The following DNAAF4 variants were observed in gnomAD, a reference collection of about 807,000 sequenced individuals.
The protein encoded by DNAAF4 is dynein assembly factor 4, axonemal.
Under a neutral mutation model 51.8 loss-of-function variants are expected in DNAAF4, and 43 were observed. The ratio of observed to expected loss-of-function variants is 0.83; its 90% CI spans 0.65 to 1.07. The LOEUF is 1.07. DNAAF4 is among the 50% of genes least tolerant of loss of function. The pLI, the probability that DNAAF4 is intolerant of heterozygous loss-of-function variation, is 0.00. For synonymous variants in DNAAF4, 194 were observed against 165.6 expected, an observed-to-expected ratio of 1.17 and a Z score of -1.32; for missense variants, 581 against 493.0, an observed-to-expected ratio of 1.18 and a Z score of -1.69.
At position 55,466,643 on chromosome 15, in the gene DNAAF4, G is replaced by C. The variant is rs112948596; in HGVS notation, c.637+287C>G. On this transcript the variant is annotated intron_variant, in intron 5 of 9. Coordinates refer to ENST00000321149, the MANE Select transcript of DNAAF4 (RefSeq NM_130810.4). ...CCACTCCAAGTCTTTTTGGGCCTGA[G>C]TTAAGCACTTATTTAACAACATCTT... Among the ~76,000 whole-genome samples the C allele has an allele frequency of 3.3e-5, 5 of 152,156 alleles. 1 individual carries two copies. Among genetic ancestry groups the C allele is most frequent in the African/African-American group, 1.2e-4 (5 of 41,432 alleles).
At chr15:55,505,479 A>C (rs1038024300) in intron 1 of DNAAF4, among the ~76,000 whole-genome samples, 1 of 152,156 alleles carries the variant, frequency 6.6e-6, no homozygotes, top group Non-Finnish European at 1.5e-5. Context: ...ATGTTTACTG[A>C]GGCACTATTC....
intron 4 of DNAAF4, among the ~76,000 whole-genome samples, chr15:55,486,170 T>C (rs1317163958): frequency 6.8e-6 from 1 of 146,468 alleles, no homozygotes; most frequent in African/African-American, 2.7e-5. Flanking sequence ...CGTTTTTCTG[T>C]TTGTTTGGTT....
intron 8 of DNAAF4, among the ~76,000 whole-genome samples, chr15:55,433,685 C>A (rs2057535082): frequency 7.4e-6 from 1 of 134,720 alleles, no homozygotes; most frequent in East Asian, 2.1e-4. Flanking sequence ...TTAGCTGGTA[C>A]AGGAATTTAG....
At position 55,418,361 on chromosome 15, in the gene DNAAF4, A is replaced by C. The variant is rs993662126; in HGVS notation, c.1048-228T>G. ...ACTCCAGACAGCCACCTCACTATCA[A>C]AACCTCAAATGATTATGTATAAAAC... On this transcript the variant is annotated intron_variant, in intron 7 of 7. Transcript: ENST00000448430. The C allele has an allele frequency of 4.5e-6, 7 of 1,538,836 alleles. No homozygotes were observed. In the African/African-American group the frequency reaches 9.6e-5, roughly 21 times the overall value.
At chr15:55,503,345 T>C (rs1380365452) in intron 1 of DNAAF4, among the ~76,000 whole-genome samples, 1 of 151,978 alleles carries the variant, frequency 6.6e-6, no homozygotes, top group Non-Finnish European at 1.5e-5. Context: ...CTACTGGAGG[T>C]ACAAGGAGGA....
chr15:55,475,717 T>C (rs1273245528), intron 4 of DNAAF4, among the ~76,000 whole-genome samples: 2 of 151,634 alleles, frequency 1.3e-5, no homozygotes, highest in Admixed American at 6.6e-5. Context: ...GCTCAACCCA[T>C]ACCAACATGA....
At chr15:55,473,269 ATG>A in intron 4 of DNAAF4, among the ~76,000 whole-genome samples, 1 of 30,874 alleles carries the variant, frequency 3.2e-5, no homozygotes, top group East Asian at 3.2e-3. Flanking sequence ...ATGTGTATAT[ATG>A]TGTATATATA....
At chr15:55,444,865 A>T (rs1367324303) in intron 6 of DNAAF4, among the ~76,000 whole-genome samples, 3 of 152,076 alleles carry the variant, frequency 2.0e-5, no homozygotes, top group African/African-American at 7.2e-5. Context: ...ATTGGTGTAT[A>T]AGAATGCTTG....
intron 6 of DNAAF4, among the ~76,000 whole-genome samples, chr15:55,446,006 G>A (rs554980266): frequency 1.1e-3 from 161 of 140,874 alleles, no homozygotes; most frequent in Non-Finnish European, 1.9e-3. Flanking sequence ...GGGTGGCCGG[G>A]CAGAGGCGCT....
chr15:55,498,504 C>A lies in DNAAF4; in HGVS notation c.-175G>T, dbSNP rs1430487867. ...CGGACTCCATGCGTGACTATCCAGG[C>A]GCCCAGACCAGAGAGTGATGCCGAT... On this transcript the variant is annotated 5_prime_UTR_variant, in exon 2 of 10. Coordinates refer to ENST00000321149, the MANE Select transcript of DNAAF4 (RefSeq NM_130810.4). 9.5e-6 allele frequency: 8 copies of A among 838,048 alleles called. No homozygotes were observed. Among genetic ancestry groups the A allele is most frequent in the Non-Finnish European group, 1.4e-5 (8 of 572,372 alleles). The allele number at this position is 838,048 out of a possible 1,614,324, so 51.9% of individuals were successfully genotyped here.
intron 4 of DNAAF4, among the ~76,000 whole-genome samples, chr15:55,477,998 A>G (rs1298975007): frequency 6.6e-6 from 1 of 152,126 alleles, no homozygotes; most frequent in African/African-American, 2.4e-5. Flanking sequence ...CCCACGGAGG[A>G]GCTCAGTCAG....
rs1356441788 is a variant in DNAAF4 at position 55,473,249 on chromosome 15, GTGTATATATA to G, written c.406-6098_406-6089del. Among the ~76,000 whole-genome samples the G allele has an allele frequency of 5.1e-5, 7 of 136,312 alleles. No homozygotes were observed. In the East Asian group the frequency reaches 1.5e-3, roughly 30 times the overall value. 89.4% of individuals were successfully genotyped at this position (136,312 alleles called of 152,430 possible). ...TGTGTGTGTATATATATATATGTGT[GTGTATATATA>G]TGTGTATATATGTGTATATATATGT... On this transcript the variant is annotated intron_variant, in intron 4 of 9. Transcript: ENST00000321149.
rs2058692909 is a variant in DNAAF4, at chr15:55,500,793, G to A, written c.-255-2209C>T. Among the ~76,000 whole-genome samples, 2 of 151,988 alleles carry A rather than the reference G, an allele frequency of 1.3e-5. 1 individual carries two copies. Among genetic ancestry groups the A allele is most frequent in the Admixed American group, 1.3e-4 (2 of 15,256 alleles). ...GGATCACCTGAGGTTGGGAGTTCAAGACCAGCCTGACGAACATAGAGAAAG... is the reference window on the plus strand; with the variant it reads ...GGATCACCTGAGGTTGGGAGTTCAAAACCAGCCTGACGAACATAGAGAAAG... On this transcript the variant is annotated intron_variant, in intron 1 of 9. Transcript: ENST00000321149.
intron 1 of DNAAF4, among the ~76,000 whole-genome samples, chr15:55,500,418 C>T (rs946842957): frequency 4.6e-5 from 7 of 152,090 alleles, no homozygotes; most frequent in Admixed American, 4.6e-4. Context: ...CTACTTTTAC[C>T]ATATTGTTTC....
At chr15:55,451,884 G>T (rs1026096395) in intron 5 of DNAAF4, among the ~76,000 whole-genome samples, 13 of 152,102 alleles carry the variant, frequency 8.5e-5, no homozygotes, top group Admixed American at 6.6e-4. Flanking sequence ...GCCTCTCAAA[G>T]TGCTGAGATT....
intron 7 of DNAAF4, among the ~76,000 whole-genome samples, chr15:55,422,965 C>T (rs2141382846): frequency 6.6e-6 from 1 of 151,956 alleles, no homozygotes; most frequent in East Asian, 1.9e-4. Flanking sequence ...ACATTGCACT[C>T]CAGCCTGGGT....
chr15:55,468,177 T>A (rs1278277582), intron 4 of DNAAF4, among the ~76,000 whole-genome samples: 1 of 152,208 alleles, frequency 6.6e-6, no homozygotes, highest in Non-Finnish European at 1.5e-5. Flanking sequence ...GAAGTGGTTC[T>A]AGACTATGGA....
downstream of DNAAF4, among the ~76,000 whole-genome samples, chr15:55,427,070 G>T (rs550414053): frequency 4.6e-4 from 69 of 150,344 alleles, no homozygotes; most frequent in Non-Finnish European, 6.9e-4. Flanking sequence ...GTTTTTTTTT[G>T]TTTGTTTGTT....
chr15:55,439,321 G>A, intron 7 of DNAAF4, 151 bp downstream of exon 7: 1 of 599,878 alleles, frequency 1.7e-6, no homozygotes, highest in Non-Finnish European at 2.9e-6. Flanking sequence ...TGTTGCCCAG[G>A]TTGGTCTCAA....
Sources: allele counts gnomAD v4.1 joint callset (sites outside exome capture counted in the v4.1 genomes callset), GRCh38; gene constraint gnomAD v4.1.1; transcripts MANE v1.5; gene names NCBI Gene and HGNC (gene_info 2026-07-23, HGNC 2026-07-21).